PCDH15: variants seen among roughly 807,000 people sequenced by gnomAD.
The protein encoded by PCDH15 is protocadherin-15.
PCDH15 carries 129 observed loss-of-function variants against 178.5 expected under a neutral mutation model. That is an observed-to-expected ratio of 0.72 (90% CI 0.63 to 0.84). The LOEUF (loss-of-function observed/expected upper bound fraction) is 0.84, where lower values mean the gene tolerates loss of function less well. Among genes scored for constraint, PCDH15 ranks in the 40% least tolerant of loss-of-function variants. The probability of loss-of-function intolerance (pLI) is 0.00; values close to 1 mark genes in which losing one functional copy is unlikely to be tolerated. For missense variants in PCDH15, 2,230 were observed against 2,099.9 expected, an observed-to-expected ratio of 1.06 and a Z score of -1.21; for synonymous variants, 800 against 732.0, an observed-to-expected ratio of 1.09 and a Z score of -1.50.
chr10:53,904,541 C>A (rs2082542391), intron 25 of PCDH15, among the ~76,000 whole-genome samples: 1 of 150,300 alleles, frequency 6.7e-6, no homozygotes, highest in African/African-American at 2.5e-5. Context: ...TTGCTCCTAT[C>A]CTGCTGCTAC....
At chr10:54,200,190 T>C (rs2050080306) in intron 10 of PCDH15, among the ~76,000 whole-genome samples, 2 of 151,652 alleles carry the variant, frequency 1.3e-5, no homozygotes, top group African/African-American at 4.8e-5. Flanking sequence ...TCAAATTATT[T>C]ATCATTTAAA....
rs1265317251 is a variant in PCDH15, at chr10:54,121,994, A to AAGACAC, written c.1917+10875_1917+10880dup. Among the ~76,000 whole-genome samples, 236 of 106,924 alleles carry AAGACAC rather than the reference A, an allele frequency of 2.2e-3. 1 individual carries two copies. The highest frequency in any genetic ancestry group is 7.6e-3 in the African/African-American group (157 of 20,748). 70.1% of individuals were successfully genotyped at this position (106,924 alleles called of 152,430 possible). A position where few individuals can be genotyped will look rare whatever the true frequency, so the allele number is the denominator to read the frequency against. Reference sequence around the variant, plus strand: ...CATCACCTAATATCTAAACCGGGCAAAGACACATACACACACACACACACA... The same window carrying AAGACAC: ...CATCACCTAATATCTAAACCGGGCAAAGACACAGACACATACACACACACACACACA... On this transcript the variant is annotated intron_variant, in intron 15 of 37. Transcript: ENST00000644397.
At chr10:55,299,264 C>A (rs546933714) in intron 1 of PCDH15, among the ~76,000 whole-genome samples, 4 of 152,202 alleles carry the variant, frequency 2.6e-5, no homozygotes, top group African/African-American at 9.6e-5. Flanking sequence ...CCCATCAATT[C>A]TCATGGAGGT....
At chr10:54,588,059 C>T (rs191495211) in intron 2 of PCDH15, among the ~76,000 whole-genome samples, 1 of 152,104 alleles carries the variant, frequency 6.6e-6, no homozygotes, top group Non-Finnish European at 1.5e-5. Flanking sequence ...GATAAACTTG[C>T]ATGATTTCAG....
intron 1 of PCDH15, among the ~76,000 whole-genome samples, chr10:55,264,557 T>G (rs2132239036): frequency 6.6e-6 from 1 of 152,276 alleles, no homozygotes; most frequent in East Asian, 1.9e-4. Context: ...ACGCTTGCTT[T>G]ATCTCTTTAT....
At chr10:55,360,411 T>C (rs1478941739) in intron 2 of PCDH15, among the ~76,000 whole-genome samples, 1 of 151,894 alleles carries the variant, frequency 6.6e-6, no homozygotes, top group East Asian at 1.9e-4. Context: ...TTAATTGTAC[T>C]TAACATAATT....
intron 1 of PCDH15, among the ~76,000 whole-genome samples, chr10:55,215,810 A>T (rs1410755623): frequency 5.3e-5 from 8 of 152,002 alleles, no homozygotes; most frequent in African/African-American, 1.9e-4. Context: ...TGATTCTAGC[A>T]GTAGTTCCTC....
At chr10:54,037,763 C>T (rs2093450161) in intron 18 of PCDH15, among the ~76,000 whole-genome samples, 1 of 151,970 alleles carries the variant, frequency 6.6e-6, no homozygotes, top group African/African-American at 2.4e-5. Context: ...TACAACCTAT[C>T]TACCAAGAAT....
chr10:55,219,450 T>C (rs1840805702), intron 1 of PCDH15, among the ~76,000 whole-genome samples: 1 of 151,960 alleles, frequency 6.6e-6, no homozygotes, highest in African/African-American at 2.4e-5. Flanking sequence ...TATATGTACC[T>C]AAAGTTCATG....
chr10:55,204,790 A>G (rs1256055911), intron 1 of PCDH15, among the ~76,000 whole-genome samples: 2 of 152,128 alleles, frequency 1.3e-5, no homozygotes, highest in Admixed American at 1.3e-4. Flanking sequence ...CATTCTAAGT[A>G]TGAATCATGT....
intron 2 of PCDH15, among the ~76,000 whole-genome samples, chr10:55,023,726 C>A (rs575674917): frequency 4.6e-5 from 7 of 150,850 alleles, no homozygotes; most frequent in Admixed American, 4.0e-4. Context: ...TTATTTGCAT[C>A]CACACACAGT....
At chr10:54,043,597 C>T (rs920812139) in intron 18 of PCDH15, among the ~76,000 whole-genome samples, 5 of 152,004 alleles carry the variant, frequency 3.3e-5, no homozygotes, top group Non-Finnish European at 7.4e-5. Context: ...CCATGTTGCT[C>T]AGGCTGGTCT....
At chr10:53,920,071 C>T (rs1397953996) in intron 25 of PCDH15, among the ~76,000 whole-genome samples, 1 of 152,110 alleles carries the variant, frequency 6.6e-6, no homozygotes, top group Non-Finnish European at 1.5e-5. Context: ...CACCTCATAA[C>T]AGCTTGAGGC....
chr10:54,361,772 C>T (rs941255188), intron 5 of PCDH15, among the ~76,000 whole-genome samples: 9 of 152,022 alleles, frequency 5.9e-5, no homozygotes, highest in African/African-American at 2.2e-4. Context: ...TGGTCTTACA[C>T]TCTACACTTT....
Position 53,840,375 on chromosome 10 carries a change from C to CAGTCA in PCDH15, c.3923_3927dup (p.Val1310Ter). 1 of 1,614,126 alleles carries CAGTCA rather than the reference C, an allele frequency of 6.2e-7. No homozygotes were observed. Among genetic ancestry groups the CAGTCA allele is most frequent in the Non-Finnish European group, 8.5e-7 (1 of 1,180,014 alleles). On this transcript the variant is annotated stop_gained and frameshift_variant, in exon 29 of 38. Coordinates refer to ENST00000644397, the MANE Select transcript of PCDH15 (RefSeq NM_001384140.1). LOFTEE classifies it high-confidence loss of function. ...TTGGTTTGGGGGTCAATTGCATAGA[C>CAGTCA]AGTCAAGTCACATTTGGTGTAATCT...
chr10:54,964,262 C>T (rs968078656), intron 2 of PCDH15, among the ~76,000 whole-genome samples: 3 of 152,068 alleles, frequency 2.0e-5, no homozygotes, highest in South Asian at 2.1e-4. Flanking sequence ...AACATTAGTT[C>T]GGTGGGGCAA....
At chr10:55,609,069 T>A (rs747065951) in intron 2 of PCDH15, among the ~76,000 whole-genome samples, 3 of 151,162 alleles carry the variant, frequency 2.0e-5, no homozygotes, top group Non-Finnish European at 4.4e-5. Context: ...CACACAATAT[T>A]TGAGTACTTT....
chr10:54,592,825 C>T (rs553011812), intron 2 of PCDH15, among the ~76,000 whole-genome samples: 1 of 152,240 alleles, frequency 6.6e-6, no homozygotes, highest in Non-Finnish European at 1.5e-5. Flanking sequence ...CTTCCTTTTT[C>T]TCCACTTCCT....
rs750059910 is a variant in PCDH15, at chr10:53,866,729, G to T, written c.3630C>A (p.Phe1210Leu). 1.9e-5 allele frequency: 30 copies of T among 1,613,418 alleles called. No individual in the cohort carries two copies. Among genetic ancestry groups the T allele is most frequent in the Non-Finnish European group, 2.3e-5 (27 of 1,179,688 alleles). ...YTGLIKTAML[F>L]HNMRRSYFKF... is the part of the protein sequence containing the mutation. Reference sequence around the variant, plus strand: ...TGAAGTAGGATCTCCTCATATTATGGAAGAGCATAGCAGTTTTGATAAGCC... The same window carrying T: ...TGAAGTAGGATCTCCTCATATTATGTAAGAGCATAGCAGTTTTGATAAGCC... The change falls in exon 27 of 38, where the codon TTC becomes TTA. Residue 1210 changes from phenylalanine (F) to leucine (L), a missense_variant. Phe to Leu is a conservative substitution (Grantham distance 22, BLOSUM62 0). Coordinates refer to ENST00000644397, the MANE Select transcript of PCDH15 (RefSeq NM_001384140.1).
Sources: gnomAD v4.1 joint callset for allele counts (sites outside exome capture counted in the v4.1 genomes callset) on GRCh38, gnomAD v4.1.1 for gene constraint, MANE v1.5 for transcripts, NCBI Gene and HGNC (gene_info 2026-07-23, HGNC 2026-07-21) for gene names.